The following ARHGDIB variants were observed in gnomAD, a reference collection of about 807,000 sequenced individuals.
The protein encoded by ARHGDIB is Rho GDP dissociation inhibitor beta.
In ARHGDIB, 20 loss-of-function variants were observed where a neutral mutation model predicts 22.6. The observed-to-expected ratio is 0.88, with a 90% CI of 0.62 to 1.28. The LOEUF (loss-of-function observed/expected upper bound fraction) is 1.28. ARHGDIB is among the 50% of genes most tolerant of loss of function. The pLI, the probability that ARHGDIB is intolerant of heterozygous loss-of-function variation, is 0.00. For synonymous variants in ARHGDIB, 114 were observed against 96.1 expected (o/e 1.19, Z -1.09); for missense variants, 254 against 245.4 (o/e 1.04, Z -0.23).
chr12:14,948,100 G>GCACGCACACACA, intron 3 of ARHGDIB, 151 bp from the exon 4 acceptor site: 1 of 436,272 alleles, frequency 2.3e-6, no homozygotes. Context: ...TTTAGTCCTT[G>GCACGCACACACA]CACACACACA....
intron 1 of ARHGDIB, among the ~76,000 whole-genome samples, chr12:14,952,971 GAGAGAA>G (rs895262195): frequency 3.2e-4 from 48 of 152,160 alleles, no homozygotes; most frequent in African/African-American, 1.1e-3. Context: ...AAGAGAAAGA[GAGAGAA>G]AGAGAAAGAG....
intron 3 of ARHGDIB, among the ~76,000 whole-genome samples, chr12:14,948,271 TTTATTC>T: frequency 6.6e-6 from 1 of 152,280 alleles, no homozygotes; most frequent in South Asian, 2.1e-4. Context: ...TTTTGGTCCA[TTTATTC>T]TCTCATTGAG....
At chr12:14,955,633 A>T (rs561938618) in intron 1 of ARHGDIB, among the ~76,000 whole-genome samples, 1 of 152,306 alleles carries the variant, frequency 6.6e-6, no homozygotes, top group Non-Finnish European at 1.5e-5. Flanking sequence ...TAAGCATTGT[A>T]CTGCATTTTT....
intron 4 of ARHGDIB, among the ~76,000 whole-genome samples, chr12:14,946,638 C>T (rs1592287164): frequency 3.3e-5 from 5 of 152,184 alleles, no homozygotes; most frequent in Admixed American, 2.6e-4. Context: ...AATGTGTAAA[C>T]CTGTCCACAC....
At position 14,947,348 on chromosome 12, in the gene ARHGDIB, T is replaced by G. The variant is rs572795624; in HGVS notation, c.342+525A>C. On this transcript the variant is annotated intron_variant, in intron 4 of 5. Transcript: ENST00000228945. ...AACTATAATTGTAATTTCCAGTTCTTTAGCAAAGATCACACTTCCTGGATT... is the reference window on the plus strand; with the variant it reads ...AACTATAATTGTAATTTCCAGTTCTGTAGCAAAGATCACACTTCCTGGATT... Among the ~76,000 whole-genome samples, 3 of 152,344 alleles carry G rather than the reference T, an allele frequency of 2.0e-5. No homozygotes were observed. In the South Asian group the frequency reaches 6.2e-4, roughly 32 times the overall value.
rs903256176 is a variant in ARHGDIB, at chr12:14,942,375, G to A, written c.*147C>T. On this transcript the variant is annotated 3_prime_UTR_variant, in exon 6 of 6. Transcript: ENST00000228945. ...CCTCTTGTTCTAGGGACCACGTTGA[G>A]TGACAGGGTGGGAAAAGATGCATCA... 2 of 874,354 alleles carry A rather than the reference G, an allele frequency of 2.3e-6. No homozygotes were observed. Among genetic ancestry groups the A allele is most frequent in the Non-Finnish European group, 3.6e-6 (2 of 560,426 alleles). 54.2% of individuals were successfully genotyped at this position (874,354 alleles called of 1,614,324 possible).
chr12:14,952,936 T>C (rs1282914076), intron 1 of ARHGDIB, among the ~76,000 whole-genome samples: 5 of 152,274 alleles, frequency 3.3e-5, no homozygotes, highest in African/African-American at 1.2e-4. Flanking sequence ...ATTGCAACTA[T>C]GCAGGCTCAA....
chr12:14,954,561 C>A (rs1864258526), intron 1 of ARHGDIB, among the ~76,000 whole-genome samples: 1 of 152,222 alleles, frequency 6.6e-6, no homozygotes, highest in Non-Finnish European at 1.5e-5. Context: ...GGCTTTCCTA[C>A]TAACTAGCTT....
chr12:14,958,671 A>G (rs1037339282), intron 1 of ARHGDIB, among the ~76,000 whole-genome samples: 4 of 152,224 alleles, frequency 2.6e-5, no homozygotes, highest in African/African-American at 9.6e-5. Flanking sequence ...ATATATTCAC[A>G]AAAGTTTTAA....
chr12:14,956,075 C>T (rs1357192883), intron 1 of ARHGDIB: 3 of 152,162 alleles, frequency 2.0e-5, no homozygotes, highest in African/African-American at 4.8e-5. Flanking sequence ...TTAATGTCTG[C>T]GCCCAGGTTG....
chr12:14,955,489 G>C (rs1477641416), intron 1 of ARHGDIB, among the ~76,000 whole-genome samples: 2 of 152,040 alleles, frequency 1.3e-5, no homozygotes, highest in African/African-American at 4.8e-5. Context: ...ATATGTCTGG[G>C]ATACATAGAT....
Position 14,950,531 on chromosome 12 carries a change from C to T in ARHGDIB, c.181+1G>A. On this transcript the variant is annotated splice_donor_variant, in intron 2 of 5. Coordinates refer to ENST00000228945, the MANE Select transcript of ARHGDIB (RefSeq NM_001175.7). LOFTEE classifies it high-confidence loss of function. ...CCACCCTGTTCTCTGTACACACATA[C>T]CTGTCACCACAGGACCATCTCCCAG... 1 of 1,611,238 alleles carries T rather than the reference C, an allele frequency of 6.2e-7. No homozygotes were observed. Among genetic ancestry groups the T allele is most frequent in the Non-Finnish European group, 8.5e-7 (1 of 1,178,444 alleles).
intron 1 of ARHGDIB, chr12:14,961,011 T>C (rs1864400462): frequency 6.6e-6 from 1 of 152,182 alleles, no homozygotes; most frequent in African/African-American, 2.4e-5. Context: ...CACCAGAAAA[T>C]TATTTAGTGG....
At chr12:14,958,657 C>T (rs896864513) in intron 1 of ARHGDIB, among the ~76,000 whole-genome samples, 1 of 152,182 alleles carries the variant, frequency 6.6e-6, no homozygotes, top group African/African-American at 2.4e-5. Flanking sequence ...CCTTCAGTAT[C>T]TCAATATATT....
chr12:14,959,053 G>A (rs1340655801), intron 1 of ARHGDIB, among the ~76,000 whole-genome samples: 4 of 152,176 alleles, frequency 2.6e-5, no homozygotes, highest in African/African-American at 7.2e-5. Context: ...GCCTCAGGAG[G>A]TCGAGGCTGC....
At chr12:14,946,058 C>G (rs995637072) in intron 4 of ARHGDIB, among the ~76,000 whole-genome samples, 1 of 152,238 alleles carries the variant, frequency 6.6e-6, no homozygotes, top group Non-Finnish European at 1.5e-5. Context: ...AGTCTACCAT[C>G]TCACCAGCGC....
At chr12:14,953,722 C>G (rs1220975303) in intron 1 of ARHGDIB, among the ~76,000 whole-genome samples, 2 of 151,934 alleles carry the variant, frequency 1.3e-5, no homozygotes, top group African/African-American at 4.8e-5. Context: ...TATTTGGGTT[C>G]AAGATCTCCA....
rs2430711 is a variant in ARHGDIB, at chr12:14,950,671, G to A, written c.42C>T (p.Asp14=). 4.3e-6 allele frequency: 7 copies of A among 1,613,412 alleles called. No homozygotes were observed. Among genetic ancestry groups the A allele is most frequent in the East Asian group, 4.5e-5 (2 of 44,854 alleles). Residue 14 remains aspartate (D), a synonymous_variant, in exon 2 of 6, where the codon GAC becomes GAT. Coordinates refer to ENST00000228945, the MANE Select transcript of ARHGDIB (RefSeq NM_001175.7). ...KAPEPHVEED[D]DDELDSKLNY... ...TGAGCTTGCTGTCCAGCTCATCATC[G>A]TCATCCTCCTCCACATGTGGCTCTG...
chr12:14,957,618 T>C (rs764391981), intron 1 of ARHGDIB, among the ~76,000 whole-genome samples: 8 of 152,198 alleles, frequency 5.3e-5, no homozygotes, highest in East Asian at 1.9e-4. Context: ...CCTGTCTTCA[T>C]TGAAGCCAGA....
Sources: allele counts gnomAD v4.1 joint callset (sites outside exome capture counted in the v4.1 genomes callset), GRCh38; gene constraint gnomAD v4.1.1; transcripts MANE v1.5; gene names NCBI Gene and HGNC (gene_info 2026-07-23, HGNC 2026-07-21).